The following CX3CR1 variants were observed in gnomAD, a reference collection of about 807,000 sequenced individuals.
CX3CR1 encodes CX3C chemokine receptor 1.
For missense variants in CX3CR1, 363 were observed against 432.4 expected, an observed-to-expected ratio of 0.84 and a Z score of 1.42; for synonymous variants, 168 against 178.5, an observed-to-expected ratio of 0.94 and a Z score of 0.47.
chr3:39,278,166 GT>G (rs1190894076), intron 1 of CX3CR1, among the ~76,000 whole-genome samples: 2 of 152,200 alleles, frequency 1.3e-5, no homozygotes. Context: ...GAGGAGCAGG[GT>G]TCAGGAGCAG....
chr3:39,287,232 CAA>C, the CX3CR1 span: 1 of 152,116 alleles, frequency 6.6e-6, no homozygotes, highest in African/African-American at 2.4e-5. Flanking sequence ...ATCTAGCTGC[CAA>C]AAGACTCTTG....
At chr3:39,273,830 A>G (rs1404769996) in intron 1 of CX3CR1, among the ~76,000 whole-genome samples, 1 of 152,024 alleles carries the variant, frequency 6.6e-6, no homozygotes, top group Non-Finnish European at 1.5e-5. Flanking sequence ...GGGTCTTACT[A>G]TGTTGACCAG....
chr3:39,280,632 ACC>A (rs2040886092), upstream of CX3CR1, among the ~76,000 whole-genome samples: 1 of 152,042 alleles, frequency 6.6e-6, no homozygotes, highest in African/African-American at 2.4e-5. Flanking sequence ...TTTTTTCCTC[ACC>A]TCTCTGCCCC....
At position 39,265,761 on chromosome 3, in the gene CX3CR1, A is replaced by G. The variant is rs1176341478; in HGVS notation, c.749T>C (p.Met250Thr). ...FFLFWTPYNV[M>T]IFLETLKLYD... ...GAGCTTAAGCGTCTCCAGGAAAATCATAACGTTGTAGGGTGTCCAGAAGAG... is the reference window on the plus strand; with the variant it reads ...GAGCTTAAGCGTCTCCAGGAAAATCGTAACGTTGTAGGGTGTCCAGAAGAG... The change falls in exon 2 of 2, where the codon ATG becomes ACG. Residue 250 changes from methionine to threonine, a missense_variant. By Grantham distance (81) the Met-to-Thr change is moderately conservative (BLOSUM62 -1). Transcript: ENST00000399220. The G allele has an allele frequency of 3.1e-6, 5 of 1,614,238 alleles. No individual in the cohort carries two copies. The highest frequency in any genetic ancestry group is 4.2e-6 in the Non-Finnish European group (5 of 1,180,048).
At chr3:39,276,000 G>C (rs1477022914) in intron 1 of CX3CR1, among the ~76,000 whole-genome samples, 1 of 152,150 alleles carries the variant, frequency 6.6e-6, no homozygotes, top group African/African-American at 2.4e-5. Context: ...CAAGATGGAG[G>C]TGGCAGTGAA....
chr3:39,278,874 G>C (rs1032291600), intron 1 of CX3CR1, among the ~76,000 whole-genome samples: 5 of 152,008 alleles, frequency 3.3e-5, no homozygotes, highest in African/African-American at 1.2e-4. Context: ...TCTTTCTGAA[G>C]ACCATGTTTT....
the CX3CR1 span, among the ~76,000 whole-genome samples, chr3:39,291,763 A>G: frequency 6.6e-6 from 1 of 152,258 alleles, no homozygotes; most frequent in African/African-American, 2.4e-5. Context: ...CAAGAAAGTT[A>G]GAGAAGTAAC....
At chr3:39,266,582 G>A (rs1276656453) in intron 1 of CX3CR1, 64 bp from the exon 2 acceptor site, 3 of 1,528,182 alleles carry the variant, frequency 2.0e-6, no homozygotes, top group Non-Finnish European at 2.7e-6. Flanking sequence ...GGAATTCTGT[G>A]TGGCCTCATA....
chr3:39,273,178 A>G (rs1559368799), intron 1 of CX3CR1, among the ~76,000 whole-genome samples: 2 of 152,274 alleles, frequency 1.3e-5, no homozygotes, highest in Non-Finnish European at 2.9e-5. Context: ...AGGCCCCTTA[A>G]GAGAAACTGG....
upstream of CX3CR1, among the ~76,000 whole-genome samples, chr3:39,280,595 T>C (rs1414524969): frequency 1.3e-5 from 2 of 152,248 alleles, no homozygotes; most frequent in African/African-American, 4.8e-5. Flanking sequence ...GTGAGTACCT[T>C]GCACCTTGTA....
intron 1 of CX3CR1, among the ~76,000 whole-genome samples, chr3:39,278,588 G>C (rs1365174633): frequency 6.7e-6 from 1 of 149,192 alleles, no homozygotes; most frequent in African/African-American, 2.5e-5. Flanking sequence ...CTTTTTTTTT[G>C]GCTCAATTTT....
At chr3:39,283,798 TATATATATATATATATATATATA>T (rs2040925981), upstream of CX3CR1, among the ~76,000 whole-genome samples, 64 of 28,734 alleles carry the variant, frequency 2.2e-3, 2 homozygotes, top group Admixed American at 3.7e-3. Context: ...AAAAAAATTA[TATATATATATATATATATATATA>T]TATATATATA....
chr3:39,281,334 C>CAGGAGAGGTATCACGGGGTGGTG, upstream of CX3CR1: 1 of 850,824 alleles, frequency 1.2e-6, no homozygotes, highest in Non-Finnish European at 1.5e-6. Context: ...CACACCACCC[C>CAGGAGAGGTATCACGGGGTGGTG]TTGATACCTC....
chr3:39,280,464 T>C (rs1239295218), upstream of CX3CR1: 3 of 985,388 alleles, frequency 3.0e-6, no homozygotes, highest in East Asian at 3.4e-4. Flanking sequence ...TGGGAGCTTA[T>C]TAAAGACAGC....
chr3:39,278,469 C>A (rs529919779), intron 1 of CX3CR1, among the ~76,000 whole-genome samples: 2 of 152,086 alleles, frequency 1.3e-5, no homozygotes, highest in Non-Finnish European at 2.9e-5. Flanking sequence ...GGTCCGTCAC[C>A]CACCCTGCCT....
rs2040672128 is a variant in CX3CR1, at chr3:39,264,831, C to G, written c.*611G>C. ...CTTGGAAATATGTATTTCTGCTTCTCCATGAGATTGGACTGGAAGCTTCCA... is the reference window on the plus strand; with the variant it reads ...CTTGGAAATATGTATTTCTGCTTCTGCATGAGATTGGACTGGAAGCTTCCA... On this transcript the variant is annotated 3_prime_UTR_variant, in exon 2 of 2. Transcript: ENST00000399220. The G allele has an allele frequency of 6.6e-6, 1 of 152,284 alleles. No homozygotes were observed. Among genetic ancestry groups the G allele is most frequent in the South Asian group, 2.1e-4 (1 of 4,834 alleles). 9.4% of individuals were successfully genotyped at this position (152,284 alleles called of 1,614,324 possible).
At chr3:39,271,683 G>A (rs924861229) in intron 1 of CX3CR1, among the ~76,000 whole-genome samples, 3 of 152,228 alleles carry the variant, frequency 2.0e-5, no homozygotes, top group Non-Finnish European at 4.4e-5. Flanking sequence ...TATTCTGTGT[G>A]CTGGAGCTAG....
chr3:39,281,734 C>T (rs1559371219), upstream of CX3CR1: 3 of 1,467,836 alleles, frequency 2.0e-6, no homozygotes, highest in Non-Finnish European at 2.8e-6. Context: ...ACGGCCCGCC[C>T]CTTCTCACTT....
At chr3:39,279,235 G>A (rs1222094437) in intron 1 of CX3CR1, among the ~76,000 whole-genome samples, 1 of 151,598 alleles carries the variant, frequency 6.6e-6, no homozygotes, top group Non-Finnish European at 1.5e-5. Context: ...TACAAAAAGT[G>A]GAAGAAAAAG....
Sources: allele counts gnomAD v4.1 joint callset (sites outside exome capture counted in the v4.1 genomes callset), GRCh38; gene constraint gnomAD v4.1.1; transcripts MANE v1.5; gene names NCBI Gene and HGNC (gene_info 2026-07-23, HGNC 2026-07-21).